The following TNRC6B variants were observed in gnomAD, a reference collection of about 807,000 sequenced individuals.
The protein encoded by TNRC6B is trinucleotide repeat-containing gene 6B protein.
A neutral mutation model predicts 203.6 loss-of-function variants in TNRC6B; 52 were observed. That is an observed-to-expected ratio of 0.26 (90% CI 0.20 to 0.32). TNRC6B has a LOEUF of 0.32. TNRC6B is among the 10% of genes least tolerant of loss of function. The pLI, the probability that TNRC6B is intolerant of heterozygous loss-of-function variation, is 1.00. For missense variants in TNRC6B, 1,923 were observed against 2,286.2 expected (o/e 0.84, Z 3.24); for synonymous variants, 838 against 845.7 (o/e 0.99, Z 0.16).
chr22:40,321,960 C>T (rs993151760), intron 22 of TNRC6B, among the ~76,000 whole-genome samples: 1 of 152,276 alleles, frequency 6.6e-6, no homozygotes, highest in Admixed American at 6.5e-5. Context: ...TTCCCTGCCA[C>T]TGTCAAACTG....
chr22:40,049,219 C>T (rs1233627905), intron 1 of TNRC6B, among the ~76,000 whole-genome samples: 1 of 151,922 alleles, frequency 6.6e-6, no homozygotes, highest in Non-Finnish European at 1.5e-5. Flanking sequence ...AGGATGGTCT[C>T]GAACTCCCGA....
intron 1 of TNRC6B, among the ~76,000 whole-genome samples, chr22:40,241,710 G>GA (rs2070031079): frequency 6.6e-6 from 1 of 152,188 alleles, no homozygotes; most frequent in South Asian, 2.1e-4. Context: ...GCTTCTCCTT[G>GA]ACGTAATTAC....
chr22:40,254,133 A>G (rs2146482323), intron 3 of TNRC6B, among the ~76,000 whole-genome samples: 1 of 152,332 alleles, frequency 6.6e-6, no homozygotes, highest in Non-Finnish European at 1.5e-5. Flanking sequence ...GTGAAGACAT[A>G]GGCTAGAGCT....
chr22:40,243,158 C>G (rs961509930), intron 1 of TNRC6B, among the ~76,000 whole-genome samples: 1 of 152,028 alleles, frequency 6.6e-6, no homozygotes, highest in East Asian at 1.9e-4. Context: ...CGTGAGCCAC[C>G]GCAACCGGCC....
intron 2 of TNRC6B, among the ~76,000 whole-genome samples, chr22:40,249,028 T>G (rs548171680): frequency 4.6e-5 from 7 of 152,180 alleles, no homozygotes; most frequent in Admixed American, 1.3e-4. Context: ...ATGCAAAGAA[T>G]CGTGGAGAAC....
intron 2 of TNRC6B, among the ~76,000 whole-genome samples, chr22:40,121,931 A>G (rs2068450502): frequency 1.3e-5 from 2 of 152,356 alleles, no homozygotes; most frequent in South Asian, 4.1e-4. Flanking sequence ...AACTATAAAA[A>G]CAACAGTAAA....
At chr22:40,133,051 G>C (rs2068567047) in intron 3 of TNRC6B, among the ~76,000 whole-genome samples, 1 of 146,868 alleles carries the variant, frequency 6.8e-6, no homozygotes, top group Non-Finnish European at 1.5e-5. Context: ...CCCGTAGAGA[G>C]AAATTCATGT....
intron 1 of TNRC6B, among the ~76,000 whole-genome samples, chr22:40,086,570 T>G (rs2146293215): frequency 6.6e-6 from 1 of 152,350 alleles, no homozygotes; most frequent in South Asian, 2.1e-4. Flanking sequence ...CTCGTTCTTT[T>G]CAGCAGGAAA....
At chr22:40,166,132 G>A (rs2068917259) in intron 4 of TNRC6B, among the ~76,000 whole-genome samples, 1 of 152,122 alleles carries the variant, frequency 6.6e-6, no homozygotes, top group Non-Finnish European at 1.5e-5. Context: ...TTCCATGCAA[G>A]TCTGGTTTCC....
intron 1 of TNRC6B, among the ~76,000 whole-genome samples, chr22:40,050,201 C>CT (rs2067733472): frequency 6.6e-6 from 1 of 152,150 alleles, no homozygotes; most frequent in African/African-American, 2.4e-5. Context: ...CTGAGAGGAG[C>CT]ATGGGTAGTT....
chr22:40,201,058 G>T (rs2069406047), intron 1 of TNRC6B, among the ~76,000 whole-genome samples: 1 of 152,172 alleles, frequency 6.6e-6, no homozygotes, highest in African/African-American at 2.4e-5. Flanking sequence ...TACACGTAGG[G>T]TGCTATACTT....
chr22:40,084,128 A>T (rs1174028574), intron 1 of TNRC6B, among the ~76,000 whole-genome samples: 1 of 152,316 alleles, frequency 6.6e-6, no homozygotes, highest in African/African-American at 2.4e-5. Context: ...CTTGGAAGCG[A>T]ATTGAAGGTT....
chr22:40,179,690 G>A (rs2146378679), intron 1 of TNRC6B, among the ~76,000 whole-genome samples: 1 of 152,262 alleles, frequency 6.6e-6, no homozygotes, highest in East Asian at 1.9e-4. Context: ...TGTTAAAAAA[G>A]ATAAAGTGGA....
intron 1 of TNRC6B, among the ~76,000 whole-genome samples, chr22:40,050,447 A>G (rs1696753935): frequency 6.6e-6 from 1 of 152,120 alleles, no homozygotes; most frequent in African/African-American, 2.4e-5. Context: ...TTCCGGCCTT[A>G]AGGCTTTTGT....
intron 1 of TNRC6B, among the ~76,000 whole-genome samples, chr22:40,200,339 T>C (rs1011826251): frequency 8.4e-6 from 1 of 119,034 alleles, no homozygotes; most frequent in Admixed American, 1.3e-4. Flanking sequence ...CAAGCTGAAG[T>C]ACAGTGGCAT....
intron 4 of TNRC6B, among the ~76,000 whole-genome samples, chr22:40,160,515 TC>T (rs1863298636): frequency 6.6e-6 from 1 of 151,760 alleles, no homozygotes; most frequent in African/African-American, 2.4e-5. Flanking sequence ...GGCCCTCACT[TC>T]CTTGATTACT....
chr22:40,295,881 T>C (rs1198688838), intron 12 of TNRC6B, among the ~76,000 whole-genome samples: 1 of 152,122 alleles, frequency 6.6e-6, no homozygotes, highest in Admixed American at 6.6e-5. Flanking sequence ...TTTTTTATAT[T>C]AAGAAGAAGG....
At chr22:40,189,862 G>T (rs1223999801) in intron 1 of TNRC6B, among the ~76,000 whole-genome samples, 1 of 151,848 alleles carries the variant, frequency 6.6e-6, no homozygotes, top group Non-Finnish European at 1.5e-5. Context: ...CCAAGTAAAG[G>T]CATTTTTGAA....
chr22:40,136,036 A>T (rs1217979170), intron 3 of TNRC6B, among the ~76,000 whole-genome samples: 10 of 152,278 alleles, frequency 6.6e-5, no homozygotes, highest in Admixed American at 6.5e-5. Flanking sequence ...TAGGTGAGGA[A>T]GTAGATCCCA....
Sources: gnomAD v4.1 joint callset for allele counts (sites outside exome capture counted in the v4.1 genomes callset) on GRCh38, gnomAD v4.1.1 for gene constraint, MANE v1.5 for transcripts, NCBI Gene and HGNC (gene_info 2026-07-23, HGNC 2026-07-21) for gene names.